The following ZDHHC14 variants were observed in gnomAD, a reference collection of about 807,000 sequenced individuals.
ZDHHC14 encodes the protein palmitoyltransferase ZDHHC14.
ZDHHC14 carries 16 observed loss-of-function variants against 47.7 expected under a neutral mutation model. That is an observed-to-expected ratio of 0.34 (90% CI 0.23 to 0.51). ZDHHC14 has a LOEUF of 0.51. Among genes scored for constraint, ZDHHC14 ranks in the 20% least tolerant of loss-of-function variants. ZDHHC14 has a pLI of 0.97. For synonymous variants in ZDHHC14, 293 were observed against 278.9 expected (o/e 1.05, Z -0.50); for missense variants, 515 against 662.5 (o/e 0.78, Z 2.44).
intron 3 of ZDHHC14, among the ~76,000 whole-genome samples, chr6:157,607,710 C>T (rs140073905): frequency 1.3e-5 from 2 of 152,270 alleles, no homozygotes; most frequent in East Asian, 1.9e-4. Flanking sequence ...TGTTCCCTCT[C>T]GTTGTCCATA....
chr6:157,470,091 A>G (rs1486189270), intron 1 of ZDHHC14, among the ~76,000 whole-genome samples: 3 of 152,230 alleles, frequency 2.0e-5, no homozygotes, highest in Non-Finnish European at 4.4e-5. Flanking sequence ...ATAAGCTATC[A>G]GGTACTCTCT....
chr6:157,445,064 C>T lies in ZDHHC14; in HGVS notation c.245+62798C>T, dbSNP rs767112274. ...GCTGGGGAAGGGACCACAAGGGAAA[C>T]ACCTGGTGACTCTGGCATGGGTCTT... On this transcript the variant is annotated intron_variant, in intron 1 of 8. Coordinates refer to ENST00000359775, the MANE Select transcript of ZDHHC14 (RefSeq NM_024630.3). Among the ~76,000 whole-genome samples, 13 of 150,764 alleles carry T rather than the reference C, an allele frequency of 8.6e-5. No homozygotes were observed. The East Asian group carries it at 1.4e-3, about 16-fold the overall frequency.
At chr6:157,391,604 C>T (rs1187170496) in intron 1 of ZDHHC14, among the ~76,000 whole-genome samples, 1 of 152,204 alleles carries the variant, frequency 6.6e-6, no homozygotes, top group Non-Finnish European at 1.5e-5. Context: ...CACATATGGC[C>T]ATTAATGTGG....
chr6:157,413,089 G>T (rs1436791811), intron 1 of ZDHHC14, among the ~76,000 whole-genome samples: 1 of 152,184 alleles, frequency 6.6e-6, no homozygotes, highest in Non-Finnish European at 1.5e-5. Flanking sequence ...AATGAGGGAG[G>T]AAGTGGGAAG....
chr6:157,611,425 A>T (rs761955103), intron 3 of ZDHHC14, among the ~76,000 whole-genome samples: 1 of 152,216 alleles, frequency 6.6e-6, no homozygotes, highest in Non-Finnish European at 1.5e-5. Context: ...TGTTTATGAC[A>T]AAAGAGTGAG....
rs1270779604 is a variant in ZDHHC14, at chr6:157,382,035, G to A, written c.14G>A (p.Gly5Asp). The A allele has an allele frequency of 1.2e-5, 18 of 1,533,768 alleles. No homozygotes were observed. Among genetic ancestry groups the A allele is most frequent in the Non-Finnish European group, 1.6e-5 (18 of 1,142,688 alleles). The change falls in exon 1 of 9, where the codon GGC (glycine) becomes GAC (aspartate). Residue 5 changes from glycine (G) to aspartate (D), a missense_variant. Coordinates refer to ENST00000359775, the MANE Select transcript of ZDHHC14 (RefSeq NM_024630.3). MPPG[G>D]GGPMKDCEYS... ...CTGCCCTCGTGGATGCCTCCCGGCG[G>A]CGGCGGGCCCATGAAAGACTGCGAG...
chr6:157,499,853 G>C (rs113526351), intron 1 of ZDHHC14, among the ~76,000 whole-genome samples: 21,859 of 152,174 alleles, frequency 0.14, 1,779 homozygotes, highest in Non-Finnish European at 0.17. Context: ...TCGATTGATT[G>C]ATTCATTCAT....
At chr6:157,550,361 A>G (rs1384591242) in intron 2 of ZDHHC14, among the ~76,000 whole-genome samples, 2 of 152,082 alleles carry the variant, frequency 1.3e-5, no homozygotes, top group Non-Finnish European at 2.9e-5. Context: ...TAGAGAGACC[A>G]CAGTGTCACA....
intron 2 of ZDHHC14, among the ~76,000 whole-genome samples, chr6:157,588,488 A>G (rs1308975049): frequency 1.3e-5 from 2 of 152,168 alleles, no homozygotes; most frequent in Non-Finnish European, 2.9e-5. Context: ...TTTTTAAAGA[A>G]GACTGCAGGG....
chr6:157,413,183 C>T (rs1279396443), intron 1 of ZDHHC14, among the ~76,000 whole-genome samples: 2 of 152,164 alleles, frequency 1.3e-5, no homozygotes, highest in Non-Finnish European at 2.9e-5. Context: ...TTTGTAGAAG[C>T]GGTGATGTGA....
intron 1 of ZDHHC14, among the ~76,000 whole-genome samples, chr6:157,491,001 G>C (rs1396688756): frequency 6.6e-6 from 1 of 152,108 alleles, no homozygotes; most frequent in Non-Finnish European, 1.5e-5. Context: ...AGGGAAGGGG[G>C]AGGAGGGCAG....
chr6:157,650,841 C>T (rs1298165762), intron 7 of ZDHHC14, among the ~76,000 whole-genome samples: 1 of 152,206 alleles, frequency 6.6e-6, no homozygotes, highest in African/African-American at 2.4e-5. Context: ...CTAGTCCTGT[C>T]TCCCCACCAG....
chr6:157,624,733 A>G (rs1785334059), intron 3 of ZDHHC14, among the ~76,000 whole-genome samples: 1 of 152,224 alleles, frequency 6.6e-6, no homozygotes, highest in Non-Finnish European at 1.5e-5. Flanking sequence ...TCCTTTTGAT[A>G]AGATGAGAGT....
intron 1 of ZDHHC14, among the ~76,000 whole-genome samples, chr6:157,532,560 C>T (rs1193383028): frequency 2.6e-5 from 4 of 152,148 alleles, no homozygotes; most frequent in Admixed American, 2.6e-4. Context: ...GAGTTGGGCC[C>T]TATATGTGTG....
At chr6:157,523,297 G>A (rs1051353739) in intron 1 of ZDHHC14, among the ~76,000 whole-genome samples, 3 of 152,088 alleles carry the variant, frequency 2.0e-5, no homozygotes, top group African/African-American at 7.2e-5. Flanking sequence ...TTGAATACGT[G>A]ATGTGTGATC....
chr6:157,621,503 G>A (rs1025958178), intron 3 of ZDHHC14, among the ~76,000 whole-genome samples: 1 of 152,118 alleles, frequency 6.6e-6, no homozygotes, highest in Non-Finnish European at 1.5e-5. Context: ...TGGGGAACGA[G>A]GCTGGGATTC....
At chr6:157,417,980 G>C (rs1250479017) in intron 1 of ZDHHC14, among the ~76,000 whole-genome samples, 1 of 150,998 alleles carries the variant, frequency 6.6e-6, no homozygotes, top group Non-Finnish European at 1.5e-5. Flanking sequence ...AGACGAAGAA[G>C]CCCAGGGTCA....
chr6:157,448,858 G>A (rs1778738812), intron 1 of ZDHHC14, among the ~76,000 whole-genome samples: 2 of 152,244 alleles, frequency 1.3e-5, no homozygotes, highest in Admixed American at 6.5e-5. Flanking sequence ...TTATAGGCGT[G>A]AGCCACTGCG....
chr6:157,444,698 A>C (rs1778626297), intron 1 of ZDHHC14, among the ~76,000 whole-genome samples: 1 of 151,362 alleles, frequency 6.6e-6, no homozygotes, highest in African/African-American at 2.4e-5. Flanking sequence ...AAAGGGATAT[A>C]CTTTGCCCCT....
Sources: gnomAD v4.1 joint callset for allele counts (sites outside exome capture counted in the v4.1 genomes callset) on GRCh38, gnomAD v4.1.1 for gene constraint, MANE v1.5 for transcripts, NCBI Gene and HGNC (gene_info 2026-07-23, HGNC 2026-07-21) for gene names.